Variants in XPR1 observed in about 807,000 individuals in gnomAD.
XPR1 encodes the protein xenotropic and polytropic retrovirus receptor 1.
A neutral mutation model predicts 87.5 loss-of-function variants in XPR1; 28 were observed. The observed-to-expected ratio is 0.32, with a 90% CI of 0.24 to 0.44. XPR1 has a LOEUF of 0.44. Among genes scored for constraint, XPR1 ranks in the 20% least tolerant of loss-of-function variants. The pLI is 1.00. For synonymous variants in XPR1, 300 were observed against 306.1 expected (o/e 0.98, Z 0.21); for missense variants, 559 against 862.3 (o/e 0.65, Z 4.41).
At chr1:180,833,807 A>G (rs1419230654) in intron 9 of XPR1, among the ~76,000 whole-genome samples, 1 of 152,236 alleles carries the variant, frequency 6.6e-6, no homozygotes, top group Non-Finnish European at 1.5e-5. Context: ...ACAGTCTTTA[A>G]TCTGTTCTCA....
At chr1:180,806,247 G>T in intron 5 of XPR1, 36 bp downstream of exon 5, 3 of 1,595,832 alleles carry the variant, frequency 1.9e-6, no homozygotes, top group Non-Finnish European at 2.6e-6. Context: ...CGTATTTTCA[G>T]TTACACGTTT....
intron 1 of XPR1, among the ~76,000 whole-genome samples, chr1:180,660,052 T>C (rs1008189289): frequency 3.7e-4 from 56 of 152,304 alleles, no homozygotes; most frequent in African/African-American, 1.1e-3. Context: ...TTACTTGTTA[T>C]TGGTCTGTTC....
chr1:180,635,786 C>T (rs113965856), intron 1 of XPR1, among the ~76,000 whole-genome samples: 2 of 152,270 alleles, frequency 1.3e-5, no homozygotes, highest in Non-Finnish European at 2.9e-5. Flanking sequence ...AGCTAAGAAA[C>T]ATCTGAGTTT....
chr1:180,806,357 CAG>C, intron 5 of XPR1, 115 bp from the exon 6 acceptor site: 1 of 1,443,754 alleles, frequency 6.9e-7, no homozygotes, highest in Non-Finnish European at 9.4e-7. Context: ...TTTTCTTTAT[CAG>C]TATATATTCA....
chr1:180,825,769 G>C (rs1269687510), intron 9 of XPR1, among the ~76,000 whole-genome samples: 1 of 152,110 alleles, frequency 6.6e-6, no homozygotes, highest in African/African-American at 2.4e-5. Context: ...ATTGACTTTG[G>C]GCTGGGCGCG....
chr1:180,738,038 G>A (rs139797854), intron 2 of XPR1, among the ~76,000 whole-genome samples: 8,132 of 152,092 alleles, frequency 0.053, 313 homozygotes, highest in Non-Finnish European at 0.079. Flanking sequence ...TTGAGATGGA[G>A]TCTTGCTCTG....
At chr1:180,880,044 A>G (rs1303398710) in intron 13 of XPR1, 32 bp from the exon 14 acceptor site, 7 of 1,611,202 alleles carry the variant, frequency 4.3e-6, no homozygotes, top group Admixed American at 1.7e-5. Flanking sequence ...TTACAATTTC[A>G]TAAGTACTTT....
At chr1:180,709,132 A>C (rs200866957) in intron 2 of XPR1, among the ~76,000 whole-genome samples, 1 of 152,000 alleles carries the variant, frequency 6.6e-6, no homozygotes, top group Non-Finnish European at 1.5e-5. Context: ...GGCTGGTCTC[A>C]AACTCCTGAC....
At position 180,789,620 on chromosome 1, in the gene XPR1, A is replaced by T. The variant is rs932290545; in HGVS notation, c.223+1766A>T. Among the ~76,000 whole-genome samples the T allele has an allele frequency of 6.0e-5, 9 of 150,444 alleles. 1 individual carries two copies. Among genetic ancestry groups the T allele is most frequent in the Admixed American group, 4.6e-4 (7 of 15,080 alleles). ...TTTTTTTGGAGAATGGGGTCTTGCTATGTTGCCCAGGCAGGTCTTGAATTC... is the reference window on the plus strand; with the variant it reads ...TTTTTTTGGAGAATGGGGTCTTGCTTTGTTGCCCAGGCAGGTCTTGAATTC... On this transcript the variant is annotated intron_variant, in intron 3 of 14. Transcript: ENST00000367590.
chr1:180,645,124 C>G (rs1344720862), intron 1 of XPR1, among the ~76,000 whole-genome samples: 1 of 152,236 alleles, frequency 6.6e-6, no homozygotes, highest in Non-Finnish European at 1.5e-5. Context: ...TTGTCTCAGA[C>G]ACACTTTTAA....
chr1:180,650,128 T>TA (rs951245034), intron 1 of XPR1, among the ~76,000 whole-genome samples: 21 of 151,900 alleles, frequency 1.4e-4, no homozygotes, highest in South Asian at 8.3e-4. Flanking sequence ...GTTTTATACT[T>TA]AAAAAAAAAT....
At chr1:180,636,286 C>A (rs1654753881) in intron 1 of XPR1, among the ~76,000 whole-genome samples, 1 of 152,182 alleles carries the variant, frequency 6.6e-6, no homozygotes, top group Non-Finnish European at 1.5e-5. Context: ...GTTTGGCCAC[C>A]CGATGGGGCA....
chr1:180,703,692 C>T (rs1425290775), intron 2 of XPR1, among the ~76,000 whole-genome samples: 2 of 152,088 alleles, frequency 1.3e-5, no homozygotes, highest in Non-Finnish European at 2.9e-5. Context: ...TGAATAGGGA[C>T]CCAAATAAGA....
intron 2 of XPR1, among the ~76,000 whole-genome samples, chr1:180,710,448 A>C (rs1571751682): frequency 6.6e-6 from 1 of 152,130 alleles, no homozygotes; most frequent in East Asian, 1.9e-4. Flanking sequence ...CAAAGCACAT[A>C]TTGCGCCGCC....
chr1:180,718,879 G>T (rs1304443211), intron 2 of XPR1, among the ~76,000 whole-genome samples: 1 of 152,126 alleles, frequency 6.6e-6, no homozygotes, highest in African/African-American at 2.4e-5. Flanking sequence ...ATGTTGGCCA[G>T]GCTGGTCTCA....
chr1:180,726,878 CTTTT>C (rs57684804), intron 2 of XPR1, among the ~76,000 whole-genome samples: 2 of 142,780 alleles, frequency 1.4e-5, no homozygotes. Flanking sequence ...TGTTTTCTTT[CTTTT>C]TTTTTTTTTT....
At chr1:180,769,742 G>A (rs1302092118) in intron 2 of XPR1, among the ~76,000 whole-genome samples, 1 of 152,172 alleles carries the variant, frequency 6.6e-6, no homozygotes, top group African/African-American at 2.4e-5. Flanking sequence ...ACAAACATGG[G>A]AGTGCAGATA....
At chr1:180,649,991 AT>A (rs1557938340) in intron 1 of XPR1, among the ~76,000 whole-genome samples, 1 of 151,980 alleles carries the variant, frequency 6.6e-6, no homozygotes, top group Admixed American at 6.6e-5. Context: ...TCCTGTTGGT[AT>A]CCCTTTTTGT....
At chr1:180,860,938 T>C (rs1391764148) in intron 11 of XPR1, among the ~76,000 whole-genome samples, 2 of 152,118 alleles carry the variant, frequency 1.3e-5, no homozygotes, top group Non-Finnish European at 2.9e-5. Context: ...AGCACATTGC[T>C]TTTAGTTTCA....
Sources: gnomAD v4.1 joint callset for allele counts (sites outside exome capture counted in the v4.1 genomes callset) on GRCh38, gnomAD v4.1.1 for gene constraint, MANE v1.5 for transcripts, NCBI Gene and HGNC (gene_info 2026-07-23, HGNC 2026-07-21) for gene names.